The following DAB1 variants were observed in gnomAD, a reference collection of about 807,000 sequenced individuals.
DAB1 encodes the protein DAB adaptor protein 1.
DAB1 carries 15 observed loss-of-function variants against 64.6 expected under a neutral mutation model. The ratio of observed to expected loss-of-function variants is 0.23; its 90% CI spans 0.16 to 0.36. DAB1 has a LOEUF of 0.36. Among genes scored for constraint, DAB1 ranks in the 10% least tolerant of loss-of-function variants. The pLI, the probability that DAB1 is intolerant of heterozygous loss-of-function variation, is 1.00. For synonymous variants in DAB1, 235 were observed against 251.9 expected, an observed-to-expected ratio of 0.93 and a Z score of 0.64; for missense variants, 596 against 706.7, an observed-to-expected ratio of 0.84 and a Z score of 1.78.
chr1:57,048,051 T>C (rs943031500), intron 9 of DAB1, among the ~76,000 whole-genome samples: 5 of 152,242 alleles, frequency 3.3e-5, no homozygotes, highest in African/African-American at 1.2e-4. Flanking sequence ...CATTACTTTA[T>C]TCAATTCTTA....
intron 5 of DAB1, among the ~76,000 whole-genome samples, chr1:57,892,081 A>C (rs548788034): frequency 8.5e-4 from 130 of 152,352 alleles, no homozygotes; most frequent in African/African-American, 2.6e-3. Flanking sequence ...TCTCTGCTGC[A>C]GCACCCAGCA....
intron 7 of DAB1, among the ~76,000 whole-genome samples, chr1:57,627,436 A>T (rs1200947300): frequency 3.2e-4 from 48 of 152,172 alleles, no homozygotes; most frequent in Admixed American, 3.1e-3. Flanking sequence ...GCCGTTGTAG[A>T]TAGCTACCAT....
intron 7 of DAB1, among the ~76,000 whole-genome samples, chr1:57,461,281 T>C (rs1041168563): frequency 1.3e-5 from 2 of 152,356 alleles, no homozygotes; most frequent in African/African-American, 4.8e-5. Context: ...TTTTCCCTCT[T>C]CCATCACTTC....
chr1:57,291,135 G>A lies in DAB1; in HGVS notation c.-105C>T. 4 of 619,174 alleles carry A rather than the reference G, an allele frequency of 6.5e-6. No homozygotes were observed. The highest frequency in any genetic ancestry group is 1.1e-5 in the Non-Finnish European group (4 of 356,910). The allele number at this position is 619,174 out of a possible 1,614,324, so 38.4% of individuals were successfully genotyped here. On this transcript the variant is annotated 5_prime_UTR_variant, in exon 2 of 15. An upstream open reading frame in the 5' UTR gains an earlier in-frame stop. Coordinates refer to ENST00000371236, the MANE Select transcript of DAB1 (RefSeq NM_001365792.1). Reference sequence around the variant, plus strand: ...CTCCTCCCTTCAGAAATGACACTCTGAGCTGCACATTTCATTCACTCTTTT... The same window carrying A: ...CTCCTCCCTTCAGAAATGACACTCTAAGCTGCACATTTCATTCACTCTTTT...
intron 4 of DAB1, among the ~76,000 whole-genome samples, chr1:57,106,257 A>ACCCCCCCCC (rs10658621): frequency 1.4e-5 from 2 of 138,652 alleles, no homozygotes; most frequent in African/African-American, 5.5e-5. Context: ...TCCCCCTAAC[A>ACCCCCCCCC]CCCCCCCCCA....
At chr1:57,086,512 CAA>C (rs1301278283) in intron 4 of DAB1, among the ~76,000 whole-genome samples, 1 of 152,112 alleles carries the variant, frequency 6.6e-6, no homozygotes, top group Non-Finnish European at 1.5e-5. Flanking sequence ...GACAGTTTGG[CAA>C]AGTGTTTGTG....
intron 9 of DAB1, among the ~76,000 whole-genome samples, chr1:57,036,125 T>C (rs1295163017): frequency 6.6e-6 from 1 of 151,870 alleles, no homozygotes; most frequent in East Asian, 1.9e-4. Context: ...ATTTTTTTAA[T>C]GCTAGGAAAT....
intron 2 of DAB1, among the ~76,000 whole-genome samples, chr1:58,524,765 T>C (rs931322113): frequency 6.6e-6 from 1 of 152,204 alleles, no homozygotes; most frequent in African/African-American, 2.4e-5. Flanking sequence ...CCAGTATCAC[T>C]AGCAGCAACT....
At chr1:57,160,725 T>C (rs1304996074) in intron 2 of DAB1, among the ~76,000 whole-genome samples, 1 of 152,182 alleles carries the variant, frequency 6.6e-6, no homozygotes, top group African/African-American at 2.4e-5. Flanking sequence ...CATCTGGTGT[T>C]GCCATTCAGG....
At chr1:58,042,372 T>C (rs1053325147) in intron 5 of DAB1, among the ~76,000 whole-genome samples, 2 of 152,206 alleles carry the variant, frequency 1.3e-5, no homozygotes, top group Admixed American at 6.5e-5. Flanking sequence ...AACATTTATT[T>C]GATATCTACT....
At chr1:57,243,613 T>A (rs577967694) in intron 2 of DAB1, among the ~76,000 whole-genome samples, 1 of 152,312 alleles carries the variant, frequency 6.6e-6, no homozygotes, top group South Asian at 2.1e-4. Context: ...CTTCCAGGAC[T>A]CCCATTCTAT....
At chr1:57,113,103 G>T (rs914910158) in intron 4 of DAB1, among the ~76,000 whole-genome samples, 3 of 152,172 alleles carry the variant, frequency 2.0e-5, no homozygotes, top group Non-Finnish European at 4.4e-5. Flanking sequence ...TTTTAGAGCT[G>T]AGCCACAGGC....
chr1:57,673,702 T>C (rs1165113452), intron 6 of DAB1, among the ~76,000 whole-genome samples: 1 of 152,132 alleles, frequency 6.6e-6, no homozygotes, highest in African/African-American at 2.4e-5. Context: ...ACACATGTAG[T>C]TGTATAATTT....
At chr1:57,102,948 T>A (rs1654813586) in intron 4 of DAB1, among the ~76,000 whole-genome samples, 1 of 151,700 alleles carries the variant, frequency 6.6e-6, no homozygotes, top group Admixed American at 6.6e-5. Context: ...AGACAAGGAG[T>A]AAAGTCGCTT....
intron 6 of DAB1, among the ~76,000 whole-genome samples, chr1:57,729,495 C>A (rs976260673): frequency 1.3e-5 from 2 of 152,226 alleles, no homozygotes; most frequent in Non-Finnish European, 2.9e-5. Context: ...GGATAAGGAA[C>A]AGGTGGGCAC....
At chr1:57,196,755 G>A (rs1664655144) in intron 2 of DAB1, among the ~76,000 whole-genome samples, 1 of 152,230 alleles carries the variant, frequency 6.6e-6, no homozygotes, top group Non-Finnish European at 1.5e-5. Flanking sequence ...ACGATAATAA[G>A]TGAAGAATCA....
chr1:58,498,649 T>C (rs1645845325), intron 3 of DAB1, among the ~76,000 whole-genome samples: 1 of 152,220 alleles, frequency 6.6e-6, no homozygotes, highest in South Asian at 2.1e-4. Context: ...CTAAGACATT[T>C]CAGCATTCCT....
intron 4 of DAB1, among the ~76,000 whole-genome samples, chr1:58,258,806 A>G (rs1660989585): frequency 6.6e-6 from 1 of 152,224 alleles, no homozygotes; most frequent in South Asian, 2.1e-4. Flanking sequence ...AAGGGGGTCT[A>G]TAGCAATGAT....
intron 1 of DAB1, among the ~76,000 whole-genome samples, chr1:57,872,767 G>A (rs922145548): frequency 6.6e-6 from 1 of 152,106 alleles, no homozygotes; most frequent in African/African-American, 2.4e-5. Flanking sequence ...ATAAGAAGAT[G>A]ATTTTGGATG....
Sources: gnomAD v4.1 joint callset for allele counts (sites outside exome capture counted in the v4.1 genomes callset) on GRCh38, gnomAD v4.1.1 for gene constraint, MANE v1.5 for transcripts, NCBI Gene and HGNC (gene_info 2026-07-23, HGNC 2026-07-21) for gene names.